Variants in MYO10 observed in about 807,000 individuals in gnomAD.
The protein encoded by MYO10 is unconventional myosin-X.
In MYO10, 133 loss-of-function variants were observed where a neutral mutation model predicts 257.3. That is an observed-to-expected ratio of 0.52 (90% CI 0.45 to 0.60). The LOEUF is 0.60. MYO10 is among the 20% of genes least tolerant of loss of function. The pLI, the probability that MYO10 is intolerant of heterozygous loss-of-function variation, is 0.00. For synonymous variants in MYO10, 1,104 were observed against 1,028.6 expected, an observed-to-expected ratio of 1.07 and a Z score of -1.40; for missense variants, 2,399 against 2,635.7, an observed-to-expected ratio of 0.91 and a Z score of 1.97.
At chr5:16,779,412 TTC>T (rs781531405) in intron 9 of MYO10, 131 bp downstream of exon 9, 3 of 574,758 alleles carry the variant, frequency 5.2e-6, no homozygotes, top group East Asian at 6.3e-5. Context: ...GAAATACCTG[TTC>T]TCACCCACTG....
At chr5:16,795,085 C>CCCCAGGCCCTGCTT (rs1368298995) in intron 3 of MYO10, among the ~76,000 whole-genome samples, 9 of 151,050 alleles carry the variant, frequency 6.0e-5, no homozygotes, top group Non-Finnish European at 1.3e-4. Flanking sequence ...AGTCCCTGCT[C>CCCCAGGCCCTGCTT]CCCAGGCCCA....
intron 2 of MYO10, among the ~76,000 whole-genome samples, chr5:16,866,057 AC>A (rs1189828374): frequency 5.6e-4 from 85 of 150,570 alleles, no homozygotes; most frequent in Admixed American, 1.3e-3. Context: ...ACACACACAC[AC>A]AAAACAATAG....
At chr5:16,839,925 A>G (rs1743424440) in intron 2 of MYO10, among the ~76,000 whole-genome samples, 1 of 152,172 alleles carries the variant, frequency 6.6e-6, no homozygotes, top group Non-Finnish European at 1.5e-5. Flanking sequence ...TGGGTTTGTC[A>G]GGATAGAGCC....
intron 18 of MYO10, among the ~76,000 whole-genome samples, chr5:16,757,597 A>T (rs1275398683): frequency 6.6e-6 from 1 of 152,162 alleles, no homozygotes; most frequent in African/African-American, 2.4e-5. Context: ...AGAAATAGCC[A>T]TTTATTTTTT....
At chr5:16,849,296 C>A (rs767394942) in intron 2 of MYO10, among the ~76,000 whole-genome samples, 2 of 152,140 alleles carry the variant, frequency 1.3e-5, no homozygotes, top group Non-Finnish European at 2.9e-5. Flanking sequence ...GGTTTTTCCA[C>A]AGGTAACCGA....
chr5:16,694,794 G>A (rs561672531), intron 26 of MYO10, among the ~76,000 whole-genome samples, 180 bp from the exon 27 acceptor site: 5 of 152,312 alleles, frequency 3.3e-5, no homozygotes, highest in South Asian at 2.1e-4. Flanking sequence ...GCACCACACA[G>A]ATGTCACACC....
chr5:16,702,903 C>A, intron 23 of MYO10, 22 bp downstream of exon 23: 2 of 1,540,940 alleles, frequency 1.3e-6, no homozygotes, highest in Non-Finnish European at 1.8e-6. Context: ...TTTGTTTCAT[C>A]CCAGCAAGAA....
intron 10 of MYO10, among the ~76,000 whole-genome samples, chr5:16,766,664 T>G (rs1044273689): frequency 6.6e-6 from 1 of 152,074 alleles, no homozygotes; most frequent in Non-Finnish European, 1.5e-5. Context: ...TCTGTTGACC[T>G]CCACGTTGGC....
chr5:16,769,321 T>C (rs1469966451), intron 9 of MYO10, 118 bp from the exon 10 acceptor site: 3 of 1,115,702 alleles, frequency 2.7e-6, no homozygotes, highest in Non-Finnish European at 2.4e-6. Flanking sequence ...AAACAAAAAA[T>C]AGATGCATAA....
intron 19 of MYO10, among the ~76,000 whole-genome samples, chr5:16,732,575 C>T (rs1739627609): frequency 6.6e-6 from 1 of 152,184 alleles, no homozygotes; most frequent in Non-Finnish European, 1.5e-5. Context: ...GGGCAGCTGT[C>T]TCTCTTTGTA....
intron 3 of MYO10, among the ~76,000 whole-genome samples, chr5:16,813,793 A>G (rs1742516057): frequency 6.6e-6 from 1 of 152,170 alleles, no homozygotes; most frequent in Non-Finnish European, 1.5e-5. Flanking sequence ...TCTTGGCTGC[A>G]GTCAGAGAGA....
At position 16,670,941 on chromosome 5, in the gene MYO10, G is replaced by C. The variant is rs201051617; in HGVS notation, c.5468C>G (p.Pro1823Arg). 1 of 1,612,412 alleles carries C rather than the reference G, an allele frequency of 6.2e-7. No homozygotes were observed. Among genetic ancestry groups the C allele is most frequent in the Non-Finnish European group, 8.5e-7 (1 of 1,178,746 alleles). Residue 1823 changes from proline to arginine, a missense_variant, in exon 39 of 41, where the codon CCG (proline) becomes CGG (arginine). Pro to Arg is a moderately radical substitution (Grantham distance 103). This residue lies in a region of MYO10 where 1,820 missense variants were observed against 1,939.4 expected (regional missense o/e 0.94). Transcript: ENST00000513610. ...EAVIHGHHPA[P>R]EENLQVLAAL... ...AGCAAGAACCTGGAGGTTTTCTTCC[G>C]GGGCTGGATGGTGGCCATGGATAAC...
intron 1 of MYO10, among the ~76,000 whole-genome samples, chr5:16,934,496 C>A (rs959507203): frequency 3.3e-5 from 5 of 152,212 alleles, no homozygotes; most frequent in African/African-American, 7.2e-5. Context: ...GCAACTCTTG[C>A]AGAAAGTTCT....
intron 2 of MYO10, among the ~76,000 whole-genome samples, chr5:16,832,495 C>T (rs253330): frequency 0.063 from 9,626 of 152,190 alleles, 536 homozygotes; most frequent in African/African-American, 0.15. Context: ...TCTCCTCTAA[C>T]CCTCTGGTTT....
rs754088401 is a variant in MYO10 at position 16,761,495 on chromosome 5, CT to C, written c.1707del (p.Asp570MetfsTer7). On this transcript the variant is annotated frameshift_variant, in exon 17 of 41. Transcript: ENST00000513610. LOFTEE classifies it high-confidence loss of function. ...TCTCTTAGCAAATTGAGAAGGTCAT[CT>C]CGAAATGTATCTCTGTTCTTCTCCA... ...GILEKNRDTF[R>X]DDLLNLLRES... 1 of 1,613,424 alleles carries C rather than the reference CT, an allele frequency of 6.2e-7. No individual in the cohort carries two copies. Among genetic ancestry groups the C allele is most frequent in the Non-Finnish European group, 8.5e-7 (1 of 1,179,706 alleles).
intron 19 of MYO10, among the ~76,000 whole-genome samples, chr5:16,733,125 C>T (rs548750806): frequency 2.6e-5 from 4 of 152,014 alleles, no homozygotes; most frequent in Non-Finnish European, 5.9e-5. Context: ...CAGAGCAAGA[C>T]GCCATCTCAG....
chr5:16,904,217 G>A (rs1454926750), intron 1 of MYO10, among the ~76,000 whole-genome samples: 3 of 152,146 alleles, frequency 2.0e-5, no homozygotes, highest in Non-Finnish European at 2.9e-5. Flanking sequence ...GGCACACCTA[G>A]GGAGAGCACA....
intron 18 of MYO10, among the ~76,000 whole-genome samples, chr5:16,757,080 T>C (rs904751811): frequency 6.8e-6 from 1 of 147,310 alleles, no homozygotes; most frequent in East Asian, 2.0e-4. Context: ...GATCGTGCCA[T>C]TGCATTCCAG....
intron 2 of MYO10, among the ~76,000 whole-genome samples, chr5:16,844,950 ACACG>A (rs1024794302): frequency 1.5e-5 from 2 of 132,932 alleles, no homozygotes; most frequent in Admixed American, 7.4e-5. Context: ...ACACACACAC[ACACG>A]CACACACACA....
Sources: gnomAD v4.1 joint callset for allele counts (sites outside exome capture counted in the v4.1 genomes callset) on GRCh38, gnomAD v4.1.1 for gene constraint, gnomAD v4.1.1 regional missense constraint, MANE v1.5 for transcripts, NCBI Gene and HGNC (gene_info 2026-07-23, HGNC 2026-07-21) for gene names.